CHIC2: variants seen among roughly 807,000 people sequenced by gnomAD.
The protein encoded by CHIC2 is cysteine rich hydrophobic domain 2, also known as cysteine-rich hydrophobic domain-containing protein 2.
Under a neutral mutation model 25.9 loss-of-function variants are expected in CHIC2, and 14 were observed. The ratio of observed to expected loss-of-function variants is 0.54; its 90% CI spans 0.36 to 0.85. CHIC2 has a LOEUF of 0.85. Among genes scored for constraint, CHIC2 ranks in the 40% least tolerant of loss-of-function variants. The pLI, the probability that CHIC2 is intolerant of heterozygous loss-of-function variation, is 0.01. For synonymous variants in CHIC2, 70 were observed against 72.0 expected, an observed-to-expected ratio of 0.97 and a Z score of 0.14; for missense variants, 146 against 202.0, an observed-to-expected ratio of 0.72 and a Z score of 1.68.
chr4:54,037,981 CAA>C (rs1317017681), intron 3 of CHIC2, among the ~76,000 whole-genome samples: 1 of 151,692 alleles, frequency 6.6e-6, no homozygotes, highest in Non-Finnish European at 1.5e-5. Context: ...AACTAAAAAA[CAA>C]GAGTAAATTA....
Position 54,034,196 on chromosome 4 carries a change from G to C in CHIC2, c.330+14759C>G, listed in dbSNP as rs146335736. On this transcript the variant is annotated intron_variant, in intron 3 of 5. Transcript: ENST00000263921. ...GAGGTGGACAGATCACCTCAGGTCG[G>C]GGGTTCGAGACCAGCCTGACCAATA... 8.6e-3 allele frequency among the ~76,000 whole-genome samples: 1,308 copies of C among 152,078 alleles called. 14 individuals are homozygous for C. Among genetic ancestry groups the C allele is most frequent in the African/African-American group, 0.029 (1,221 of 41,474 alleles).
the CHIC2 span, among the ~76,000 whole-genome samples, chr4:54,077,313 G>A: frequency 6.6e-5 from 10 of 152,120 alleles, no homozygotes; most frequent in Non-Finnish European, 1.5e-4. Flanking sequence ...CACCAGAATG[G>A]ATTATGTTCT....
chr4:54,085,956 A>C, the CHIC2 span, among the ~76,000 whole-genome samples: 1 of 152,104 alleles, frequency 6.6e-6, no homozygotes, highest in African/African-American at 2.4e-5. Flanking sequence ...TTAAAAAAAA[A>C]ACAAAAAGTC....
intron 3 of CHIC2, among the ~76,000 whole-genome samples, chr4:54,038,787 C>T (rs773927719): frequency 2.6e-5 from 4 of 151,812 alleles, no homozygotes; most frequent in Non-Finnish European, 5.9e-5. Context: ...TTTGGGAGGC[C>T]GAGATGAGAG....
At chr4:54,076,149 C>T in the CHIC2 span, among the ~76,000 whole-genome samples, 3 of 151,788 alleles carry the variant, frequency 2.0e-5, no homozygotes, top group Non-Finnish European at 2.9e-5. Context: ...ATTAGGTAGG[C>T]GTGGTAAGGC....
chr4:54,039,746 T>G (rs561915133), intron 3 of CHIC2, among the ~76,000 whole-genome samples: 1 of 152,192 alleles, frequency 6.6e-6, no homozygotes, highest in African/African-American at 2.4e-5. Flanking sequence ...AAAACATGCA[T>G]GTGAATGTTT....
chr4:54,051,479 T>C (rs1430791310), intron 1 of CHIC2, among the ~76,000 whole-genome samples: 1 of 152,140 alleles, frequency 6.6e-6, no homozygotes, highest in Admixed American at 6.5e-5. Context: ...TGCTCCGTAG[T>C]TGTTGTGCCT....
At position 54,021,481 on chromosome 4, in the gene CHIC2, A is replaced by G. The variant is rs2110064296; in HGVS notation, c.331-7362T>C. ...CCTCAACAGGCTGAGCCAGGTCCCAATTCTTCCTCAGCCTCTGCTCCCCGA... is the reference window on the plus strand; with the variant it reads ...CCTCAACAGGCTGAGCCAGGTCCCAGTTCTTCCTCAGCCTCTGCTCCCCGA... On this transcript the variant is annotated intron_variant, in intron 3 of 5. Transcript: ENST00000263921. 1.3e-5 allele frequency among the ~76,000 whole-genome samples: 2 copies of G among 151,894 alleles called. 1 individual carries two copies. Among genetic ancestry groups the G allele is most frequent in the South Asian group, 4.2e-4 (2 of 4,796 alleles).
intron 3 of CHIC2, among the ~76,000 whole-genome samples, chr4:54,027,682 TAAAG>T (rs1427301426): frequency 1.3e-5 from 2 of 152,200 alleles, no homozygotes; most frequent in African/African-American, 4.8e-5. Context: ...TAGGGCTAGA[TAAAG>T]AAAACCCAGT....
rs1717455030 is a variant in CHIC2 at position 54,064,579 on chromosome 4, G to A, written c.-279C>T. The A allele has an allele frequency of 5.6e-6, 7 of 1,254,706 alleles. No homozygotes were observed. The South Asian group carries it at 9.8e-5, about 18-fold the overall frequency. The allele number at this position is 1,254,706 out of a possible 1,614,324, so 77.7% of individuals were successfully genotyped here. A position where few individuals can be genotyped will look rare whatever the true frequency, so the allele number is the denominator to read the frequency against. ...CACAAGCACAGACGCCGCTGCCGCC[G>A]CCGCAGCAGCAGCAACTCAGGAAAC... On this transcript the variant is annotated 5_prime_UTR_variant, in exon 1 of 6. Transcript: ENST00000263921. The surrounding 1 kb of genome is among the most constrained non-coding windows in gnomAD (Gnocchi z 4.2).
chr4:54,036,286 G>A (rs1029651547), intron 3 of CHIC2, among the ~76,000 whole-genome samples: 1 of 152,102 alleles, frequency 6.6e-6, no homozygotes, highest in Non-Finnish European at 1.5e-5. Context: ...ATCTCGTTAG[G>A]CTGTTCTTGC....
intron 3 of CHIC2, among the ~76,000 whole-genome samples, chr4:54,029,851 T>C (rs967925061): frequency 2.0e-5 from 3 of 152,172 alleles, no homozygotes; most frequent in African/African-American, 7.2e-5. Context: ...TGCTTATGAT[T>C]CCCCCAGGTT....
At chr4:54,030,199 C>A (rs1716180513) in intron 3 of CHIC2, among the ~76,000 whole-genome samples, 1 of 152,040 alleles carries the variant, frequency 6.6e-6, no homozygotes, top group Non-Finnish European at 1.5e-5. Context: ...AAAGAAAAAA[C>A]CTAAGAAACC....
chr4:54,024,575 T>C (rs542445589), intron 3 of CHIC2, among the ~76,000 whole-genome samples: 4 of 152,142 alleles, frequency 2.6e-5, no homozygotes, highest in African/African-American at 9.7e-5. Flanking sequence ...ACCGAGGCCC[T>C]GACTTACTCA....
the CHIC2 span, among the ~76,000 whole-genome samples, chr4:54,086,173 GC>G: frequency 1.3e-3 from 191 of 152,022 alleles, no homozygotes; most frequent in African/African-American, 4.4e-3. Context: ...AAACAAGATA[GC>G]TTAGATCTCA....
At chr4:54,010,263 G>T in intron 5 of CHIC2, 118 bp from the exon 6 acceptor site, 1 of 660,912 alleles carries the variant, frequency 1.5e-6, no homozygotes, top group Non-Finnish European at 2.7e-6. Flanking sequence ...ACGCAACTTT[G>T]CATTACTAAA....
At chr4:54,085,327 A>G in the CHIC2 span, among the ~76,000 whole-genome samples, 3 of 152,188 alleles carry the variant, frequency 2.0e-5, no homozygotes, top group African/African-American at 7.2e-5. Flanking sequence ...TGAGATACCA[A>G]TGATCTCGTA....
At chr4:54,072,661 A>G in the CHIC2 span, among the ~76,000 whole-genome samples, 1 of 152,190 alleles carries the variant, frequency 6.6e-6, no homozygotes, top group Non-Finnish European at 1.5e-5. Flanking sequence ...TAAGCCCTTG[A>G]CTATTGCCTG....
intron 4 of CHIC2, 46 bp downstream of exon 4, chr4:54,014,017 G>A (rs1488722778): frequency 1.3e-6 from 2 of 1,599,734 alleles, no homozygotes; most frequent in East Asian, 4.5e-5. Context: ...TCCATACTGT[G>A]CAATTCAGAC....
Sources: allele counts gnomAD v4.1 joint callset (sites outside exome capture counted in the v4.1 genomes callset), GRCh38; gene constraint gnomAD v4.1.1; non-coding constraint Gnocchi (gnomAD v3.1); transcripts MANE v1.5; gene names NCBI Gene and HGNC (gene_info 2026-07-23, HGNC 2026-07-21).